The following DOCK4 variants were observed in gnomAD, a reference collection of about 807,000 sequenced individuals.
The protein encoded by DOCK4 is dedicator of cytokinesis protein 4.
Under a neutral mutation model 268.1 loss-of-function variants are expected in DOCK4, and 97 were observed. The ratio of observed to expected loss-of-function variants is 0.36; its 90% confidence interval spans 0.31 to 0.43. The LOEUF is 0.43. Among genes scored for constraint, DOCK4 ranks in the 20% least tolerant of loss-of-function variants. The probability of loss-of-function intolerance (pLI) is 1.00; values close to 1 mark genes in which losing one functional copy is unlikely to be tolerated. For missense variants in DOCK4, 2,145 were observed against 2,455.7 expected (o/e 0.87, Z 2.67); for synonymous variants, 954 against 887.2 (o/e 1.08, Z -1.34).
chr7:111,922,883 G>A (rs1348218100), intron 12 of DOCK4, among the ~76,000 whole-genome samples: 1 of 152,058 alleles, frequency 6.6e-6, no homozygotes, highest in Non-Finnish European at 1.5e-5. Flanking sequence ...ACCCAGCCTG[G>A]GTTCAGTTCT....
intron 39 of DOCK4, among the ~76,000 whole-genome samples, chr7:111,763,780 G>T (rs1797601559): frequency 6.6e-6 from 1 of 152,114 alleles, no homozygotes. Context: ...GCAGTCCTTA[G>T]GGGGTTGCTC....
intron 12 of DOCK4, among the ~76,000 whole-genome samples, chr7:111,929,149 T>C (rs1562899256): frequency 6.6e-6 from 1 of 152,244 alleles, no homozygotes; most frequent in African/African-American, 2.4e-5. Context: ...TATGTGTGTA[T>C]ACATGCATAT....
intron 12 of DOCK4, among the ~76,000 whole-genome samples, chr7:111,933,240 G>GTATATACACATATATACT (rs1794386661): frequency 1.8e-5 from 2 of 113,676 alleles, no homozygotes; most frequent in African/African-American, 6.7e-5. Flanking sequence ...ACATATATAC[G>GTATATACACATATATACT]TATATATACA....
At chr7:111,914,677 T>G (rs1427131817) in intron 13 of DOCK4, among the ~76,000 whole-genome samples, 1 of 152,198 alleles carries the variant, frequency 6.6e-6, no homozygotes, top group Admixed American at 6.5e-5. Context: ...ATTTCTTACC[T>G]ACCACAAATC....
At chr7:111,930,185 CTAACTA>C (rs1794081957) in intron 12 of DOCK4, among the ~76,000 whole-genome samples, 1 of 152,290 alleles carries the variant, frequency 6.6e-6, no homozygotes, top group East Asian at 1.9e-4. Context: ...ACTACTCAAC[CTAACTA>C]TATCTAACTG....
rs533244139 is a variant in DOCK4, at chr7:112,033,345, T to G, written c.38-29214A>C. Among the ~76,000 whole-genome samples, 6 of 152,264 alleles carry G rather than the reference T, an allele frequency of 3.9e-5. No individual in the cohort carries two copies. In the East Asian group the frequency reaches 1.2e-3, roughly 29 times the overall value. On this transcript the variant is annotated intron_variant, in intron 1 of 52. Coordinates refer to ENST00000428084, the MANE Select transcript of DOCK4 (RefSeq NM_001363540.2). Reference sequence around the variant, plus strand: ...CACAAAACTTCAAATTTATGTGGATTTTTGAATACTCCCAACCCCACCACA... The same window carrying G: ...CACAAAACTTCAAATTTATGTGGATGTTTGAATACTCCCAACCCCACCACA...
chr7:111,990,171 T>C (rs29468), intron 5 of DOCK4, among the ~76,000 whole-genome samples: 68,493 of 151,902 alleles, frequency 0.45, 15,767 homozygotes, highest in African/African-American at 0.51. Flanking sequence ...CCAGAAAAAA[T>C]ATGTAAGTAT....
chr7:111,960,577 T>C (rs79893683), intron 8 of DOCK4, among the ~76,000 whole-genome samples: 5,151 of 145,548 alleles, frequency 0.035, 343 homozygotes, highest in African/African-American at 0.12. Context: ...ATCTACTCTC[T>C]TAGCAATGTG....
At chr7:111,764,399 T>C (rs1157674619) in intron 39 of DOCK4, among the ~76,000 whole-genome samples, 1 of 152,212 alleles carries the variant, frequency 6.6e-6, no homozygotes. Flanking sequence ...TAACAATTGA[T>C]TCAATTTTAT....
chr7:111,849,475 C>T (rs1804375152), intron 23 of DOCK4, among the ~76,000 whole-genome samples: 1 of 152,030 alleles, frequency 6.6e-6, no homozygotes. Flanking sequence ...GTTGGCCAGG[C>T]TGGTCTTGAA....
chr7:112,107,189 T>A (rs1811209436), intron 1 of DOCK4, among the ~76,000 whole-genome samples: 1 of 152,232 alleles, frequency 6.6e-6, no homozygotes, highest in Non-Finnish European at 1.5e-5. Context: ...AGACATGTAA[T>A]GTATACAAAT....
chr7:112,065,674 C>T (rs1239409516), intron 1 of DOCK4, among the ~76,000 whole-genome samples: 1 of 151,414 alleles, frequency 6.6e-6, no homozygotes, highest in Non-Finnish European at 1.5e-5. Flanking sequence ...AACAAGTCCC[C>T]CAGATATTCT....
At chr7:112,202,395 G>A (rs145716955) in intron 1 of DOCK4, among the ~76,000 whole-genome samples, 3 of 152,290 alleles carry the variant, frequency 2.0e-5, no homozygotes, top group East Asian at 1.9e-4. Context: ...CAGATGGGAG[G>A]TGATATCCAC....
intron 1 of DOCK4, among the ~76,000 whole-genome samples, chr7:112,146,779 G>A (rs1815546713): frequency 6.6e-6 from 1 of 152,084 alleles, no homozygotes; most frequent in Non-Finnish European, 1.5e-5. Flanking sequence ...AGATCTAGGA[G>A]GCTTCGATAT....
intron 6 of DOCK4, among the ~76,000 whole-genome samples, chr7:111,985,232 C>T (rs796375735): frequency 2.0e-5 from 3 of 152,086 alleles, no homozygotes; most frequent in South Asian, 4.1e-4. Context: ...CTGTTCATCT[C>T]CTTAACCCTC....
rs776846605 is a variant in DOCK4 at position 111,863,370 on chromosome 7, A to G, written c.2473+2T>C. ...CAATTTCCTCCAAGAGACTCACCCT[A>G]CCTGGGTTGGTATAAAGCTGGCTTT... On this transcript the variant is annotated splice_donor_variant, in intron 23 of 52. Coordinates refer to ENST00000428084, the MANE Select transcript of DOCK4 (RefSeq NM_001363540.2). LOFTEE classifies it high-confidence loss of function. 6.2e-7 allele frequency: 1 copy of G among 1,613,966 alleles called. No homozygotes were observed. Among genetic ancestry groups the G allele is most frequent in the Non-Finnish European group, 8.5e-7 (1 of 1,179,866 alleles).
At chr7:112,199,895 C>A (rs571820858) in intron 1 of DOCK4, among the ~76,000 whole-genome samples, 4 of 152,140 alleles carry the variant, frequency 2.6e-5, no homozygotes, top group Admixed American at 6.5e-5. Context: ...AGAAAACTTA[C>A]GCAATGCATG....
chr7:111,733,529 G>C (rs1388032828), intron 51 of DOCK4, among the ~76,000 whole-genome samples: 1 of 152,202 alleles, frequency 6.6e-6, no homozygotes, highest in African/African-American at 2.4e-5. Context: ...TGGAGAAGCT[G>C]ATCCTGACGG....
chr7:111,784,078 T>C lies in DOCK4; in HGVS notation c.3428+19A>G, dbSNP rs374370120. 1,193 of 1,580,810 alleles carry C rather than the reference T, an allele frequency of 7.5e-4. 1 individual carries two copies. The highest frequency in any genetic ancestry group is 2.5e-3 in the Admixed American group (143 of 56,712). ...CTGCAACATCTCACAAGTAGCACAA[T>C]TTGCAAACAATGTCTTACCTAGGAT... is the stretch of plus-strand genomic sequence containing the variant. On this transcript the variant is annotated intron_variant, in intron 33 of 52. Coordinates refer to ENST00000428084, the MANE Select transcript of DOCK4 (RefSeq NM_001363540.2).
Sources: gnomAD v4.1 joint callset for allele counts (sites outside exome capture counted in the v4.1 genomes callset) on GRCh38, gnomAD v4.1.1 for gene constraint, MANE v1.5 for transcripts, NCBI Gene and HGNC (gene_info 2026-07-23, HGNC 2026-07-21) for gene names.